The following FHIP1A variants were observed in gnomAD, a reference collection of about 807,000 sequenced individuals.
FHIP1A encodes the protein FHF complex subunit HOOK interacting protein 1A.
Under a neutral mutation model 88.6 loss-of-function variants are expected in FHIP1A, and 61 were observed. The observed-to-expected ratio is 0.69, with a 90% CI of 0.56 to 0.85. FHIP1A has a LOEUF of 0.85. FHIP1A is among the 40% of genes least tolerant of loss of function. The pLI is 0.00. For missense variants in FHIP1A, 1,154 were observed against 1,273.5 expected (o/e 0.91, Z 1.43); for synonymous variants, 478 against 496.0 (o/e 0.96, Z 0.48).
intron 3 of FHIP1A, among the ~76,000 whole-genome samples, chr4:151,548,793 A>T (rs1273646205): frequency 6.6e-6 from 1 of 152,190 alleles, no homozygotes; most frequent in Non-Finnish European, 1.5e-5. Flanking sequence ...GTGGTGGCAC[A>T]CGCCTGTAAT....
In FHIP1A at chr4:151,577,874, C is replaced by T. The variant is rs150755896; in HGVS notation, c.530C>T (p.Pro177Leu). Residue 177 changes from proline to leucine, a missense_variant, in exon 5 of 14, where the codon CCA becomes CTA. Physicochemically the swap from Pro to Leu is moderately conservative, Grantham distance 98. Transcript: ENST00000435205. The stretch of plus-strand genomic sequence containing the variant: ...CTCTGTTCCATTCTTGCCAAAGATC[C>T]ATCCATTTTAGAACTCTTCTTCCAC... ...NQLCSILAKD[P>L]SILELFFHTS... 525 of 1,551,866 alleles carry T rather than the reference C, an allele frequency of 3.4e-4. 2 individuals are homozygous for T. In the African/African-American group the frequency reaches 6.6e-3, roughly 20 times the overall value.
In FHIP1A at chr4:151,650,238, C is replaced by G. The variant is rs528947250; in HGVS notation, c.2197C>G (p.Pro733Ala). Residue 733 changes from proline to alanine, a missense_variant, in exon 11 of 14, where the codon CCT (proline) becomes GCT (alanine). Physicochemically the swap from Pro to Ala is conservative, Grantham distance 27. Transcript: ENST00000435205. ...ESNSELASPA[P>A]EAEHSSNLTA... Reference sequence around the variant, plus strand: ...CAACTCAGAGTTAGCATCCCCTGCCCCTGAGGCAGAGCACAGCTCTAACCT... The same window carrying G: ...CAACTCAGAGTTAGCATCCCCTGCCGCTGAGGCAGAGCACAGCTCTAACCT... The G allele has an allele frequency of 7.2e-5, 112 of 1,551,724 alleles. No homozygotes were observed. The South Asian group carries it at 1.3e-3, about 18-fold the overall frequency.
At chr4:151,430,214 C>G (rs897149122) in intron 1 of FHIP1A, among the ~76,000 whole-genome samples, 2 of 152,180 alleles carry the variant, frequency 1.3e-5, no homozygotes, top group East Asian at 3.9e-4. Flanking sequence ...TTAAGTCATT[C>G]ACTTCATCTT....
At chr4:151,553,831 A>T (rs1732840708) in intron 3 of FHIP1A, among the ~76,000 whole-genome samples, 1 of 152,248 alleles carries the variant, frequency 6.6e-6, no homozygotes. Flanking sequence ...CAAGCAAACA[A>T]ACAAACAAAC....
chr4:151,558,147 T>G (rs2126758360), intron 3 of FHIP1A, among the ~76,000 whole-genome samples: 1 of 152,292 alleles, frequency 6.6e-6, no homozygotes, highest in Non-Finnish European at 1.5e-5. Context: ...TATTTACAGG[T>G]GCATAATAAT....
At chr4:151,441,301 T>C (rs1728402879) in intron 1 of FHIP1A, among the ~76,000 whole-genome samples, 1 of 151,456 alleles carries the variant, frequency 6.6e-6, no homozygotes, top group Admixed American at 6.6e-5. Context: ...GTTTAGAAAA[T>C]TCTGAGATCA....
chr4:151,585,197 G>A (rs1048743292), intron 5 of FHIP1A, among the ~76,000 whole-genome samples: 9 of 150,888 alleles, frequency 6.0e-5, no homozygotes, highest in Non-Finnish European at 2.9e-5. Context: ...TTTTTCTTTC[G>A]AGGCACTCCA....
At chr4:151,586,101 AGTC>A (rs1734200626) in intron 5 of FHIP1A, among the ~76,000 whole-genome samples, 1 of 152,182 alleles carries the variant, frequency 6.6e-6, no homozygotes, top group Admixed American at 6.5e-5. Flanking sequence ...TGCAGCTGTC[AGTC>A]GTGACCTCAA....
chr4:151,491,783 G>C (rs1458801418), intron 3 of FHIP1A, among the ~76,000 whole-genome samples: 1 of 152,052 alleles, frequency 6.6e-6, no homozygotes, highest in Admixed American at 6.6e-5. Context: ...TAAACTTAAG[G>C]TAAAGGGATA....
At chr4:151,514,646 C>T (rs1028605794) in intron 3 of FHIP1A, among the ~76,000 whole-genome samples, 1 of 152,148 alleles carries the variant, frequency 6.6e-6, no homozygotes. Flanking sequence ...CACTGAAATA[C>T]AAACTACTAT....
intron 3 of FHIP1A, among the ~76,000 whole-genome samples, chr4:151,488,560 A>C (rs1580624173): frequency 6.6e-6 from 1 of 152,084 alleles, no homozygotes; most frequent in East Asian, 1.9e-4. Flanking sequence ...ACCTAGGGTG[A>C]CTCTATGTCT....
chr4:151,649,747 G>T lies in FHIP1A; in HGVS notation c.1706G>T (p.Arg569Ile). 1 of 1,551,666 alleles carries T rather than the reference G, an allele frequency of 6.4e-7. No individual in the cohort carries two copies. The highest frequency in any genetic ancestry group is 8.7e-7 in the Non-Finnish European group (1 of 1,146,980). ...PRKTGPQLAP[R>I]KDKSQTELEW... ...AAGACAGGACCTCAGCTGGCTCCCA[G>T]AAAGGACAAGAGCCAGACAGAGCTG... The change falls in exon 11 of 14, where the codon AGA becomes ATA. Residue 569 changes from arginine to isoleucine, a missense_variant. Transcript: ENST00000435205.
At chr4:151,444,399 A>T (rs149458918) in intron 1 of FHIP1A, among the ~76,000 whole-genome samples, 1 of 152,298 alleles carries the variant, frequency 6.6e-6, no homozygotes, top group African/African-American at 2.4e-5. Context: ...GTACATGTAT[A>T]ATTTAAAGAA....
intron 3 of FHIP1A, among the ~76,000 whole-genome samples, chr4:151,487,708 C>T (rs1483608646): frequency 6.6e-6 from 1 of 152,204 alleles, no homozygotes; most frequent in Non-Finnish European, 1.5e-5. Flanking sequence ...CATGTAATTC[C>T]TTACAAAATC....
chr4:151,620,366 TG>T (rs1268155276), intron 7 of FHIP1A, among the ~76,000 whole-genome samples: 3 of 152,112 alleles, frequency 2.0e-5, no homozygotes, highest in Non-Finnish European at 2.9e-5. Flanking sequence ...ACTGTGGGCT[TG>T]GGGGGCTACT....
rs1349156753 is a variant in FHIP1A at position 151,469,560 on chromosome 4, G to A, written c.-247-12964G>A. Among the ~76,000 whole-genome samples the A allele has an allele frequency of 2.6e-5, 4 of 152,066 alleles. 1 individual carries two copies. The highest frequency in any genetic ancestry group is 5.9e-5 in the Non-Finnish European group (4 of 68,010). On this transcript the variant is annotated intron_variant, in intron 2 of 13. Coordinates refer to ENST00000435205, the MANE Select transcript of FHIP1A (RefSeq NM_001109977.3). ...GCTTGGACACTCCCACTACACTCAC[G>A]TTCTGGTTGCTTCCAAATATGCTTG...
At chr4:151,489,358 G>A (rs1730196877) in intron 3 of FHIP1A, among the ~76,000 whole-genome samples, 1 of 152,212 alleles carries the variant, frequency 6.6e-6, no homozygotes, top group African/African-American at 2.4e-5. Context: ...AGGGAAGGCA[G>A]CCAGCAGAAT....
At chr4:151,556,671 G>A (rs571912086) in intron 3 of FHIP1A, among the ~76,000 whole-genome samples, 4 of 152,192 alleles carry the variant, frequency 2.6e-5, no homozygotes, top group African/African-American at 9.6e-5. Flanking sequence ...TATGTTCTTG[G>A]CATTATCTGC....
intron 7 of FHIP1A, among the ~76,000 whole-genome samples, chr4:151,621,272 A>G (rs79679733): frequency 5.1e-4 from 78 of 152,236 alleles, no homozygotes; most frequent in African/African-American, 1.8e-3. Flanking sequence ...ATCCAGTGCC[A>G]GATGATGTGC....
Sources: gnomAD v4.1 joint callset for allele counts (sites outside exome capture counted in the v4.1 genomes callset) on GRCh38, gnomAD v4.1.1 for gene constraint, MANE v1.5 for transcripts, NCBI Gene and HGNC (gene_info 2026-07-23, HGNC 2026-07-21) for gene names.